The following NREP variants were observed in gnomAD, a reference collection of about 807,000 sequenced individuals.
The protein encoded by NREP is neuronal regeneration related protein.
Under a neutral mutation model 8.6 loss-of-function variants are expected in NREP, and 5 were observed. That is an observed-to-expected ratio of 0.58 (90% CI 0.30 to 1.22). NREP has a LOEUF of 1.22. Ranked by LOEUF, NREP falls within the 50% of genes most tolerant of loss-of-function variation. NREP has a pLI of 0.07. For missense variants in NREP, 86 were observed against 82.5 expected (o/e 1.04, Z -0.17); for synonymous variants, 27 against 28.0 (o/e 0.96, Z 0.11).
At chr5:111,802,141 TAGG>T (rs1280557707) in intron 2 of NREP, among the ~76,000 whole-genome samples, 1 of 152,168 alleles carries the variant, frequency 6.6e-6, no homozygotes, top group Non-Finnish European at 1.5e-5. Flanking sequence ...CACAGACGGT[TAGG>T]AGAAGACTGT....
At chr5:111,777,606 G>T (rs1751395686) in intron 2 of NREP, among the ~76,000 whole-genome samples, 1 of 152,044 alleles carries the variant, frequency 6.6e-6, no homozygotes, top group Non-Finnish European at 1.5e-5. Context: ...ACCATTATGT[G>T]TATATTTGTG....
chr5:111,889,388 C>A (rs532813391), intron 2 of NREP, among the ~76,000 whole-genome samples: 1 of 152,152 alleles, frequency 6.6e-6, no homozygotes, highest in Admixed American at 6.5e-5. Flanking sequence ...AGGTATATAC[C>A]CCCATGATCC....
In NREP at chr5:111,904,258, CTGTT is replaced by C. The variant is rs529599865; in HGVS notation, c.135+71012_135+71015del. ...TTTAGGGTTCACTTTTGGTTTAACACTGTTTGATGTGTTTTGACAAATGTATAAT... is the reference window on the plus strand; with the variant it reads ...TTTAGGGTTCACTTTTGGTTTAACACTGATGTGTTTTGACAAATGTATAAT... On this transcript the variant is annotated intron_variant, in intron 2 of 3. Transcript: ENST00000395634. Among the ~76,000 whole-genome samples, 8 of 152,190 alleles carry C rather than the reference CTGTT, an allele frequency of 5.3e-5. No individual in the cohort carries two copies. The East Asian group carries it at 1.4e-3, about 26-fold the overall frequency.
chr5:111,797,356 C>G (rs1751897680), intron 2 of NREP, among the ~76,000 whole-genome samples: 1 of 152,230 alleles, frequency 6.6e-6, no homozygotes, highest in Admixed American at 6.5e-5. Flanking sequence ...TGGAGGAATA[C>G]TAGTCCAATT....
chr5:111,956,237 A>G (rs1728306456), intron 2 of NREP, among the ~76,000 whole-genome samples: 1 of 152,194 alleles, frequency 6.6e-6, no homozygotes, highest in Non-Finnish European at 1.5e-5. Context: ...CAAGAATTGC[A>G]GAACATATGA....
intron 2 of NREP, among the ~76,000 whole-genome samples, chr5:111,917,653 C>T (rs1274005642): frequency 6.6e-6 from 1 of 152,130 alleles, no homozygotes; most frequent in Non-Finnish European, 1.5e-5. Context: ...CGATAAAATC[C>T]AGCACTCCTT....
At chr5:111,916,759 T>G (rs1581216128) in intron 2 of NREP, among the ~76,000 whole-genome samples, 1 of 152,172 alleles carries the variant, frequency 6.6e-6, no homozygotes, top group Admixed American at 6.5e-5. Context: ...AGTTACTACT[T>G]GTAAAGTGCT....
chr5:111,965,537 T>C (rs151328255), intron 2 of NREP, among the ~76,000 whole-genome samples: 328 of 152,254 alleles, frequency 2.2e-3, no homozygotes, highest in African/African-American at 7.4e-3. Flanking sequence ...AAGCTCACCA[T>C]TGCCCAGCTC....
chr5:111,927,974 C>T (rs1381570385), intron 2 of NREP, among the ~76,000 whole-genome samples: 4 of 152,062 alleles, frequency 2.6e-5, no homozygotes, highest in Non-Finnish European at 4.4e-5. Flanking sequence ...GCTTCATAGG[C>T]CCCGGACTGG....
intron 2 of NREP, among the ~76,000 whole-genome samples, chr5:111,790,883 T>C (rs1006586302): frequency 2.0e-5 from 3 of 152,128 alleles, no homozygotes; most frequent in Admixed American, 6.6e-5. Context: ...AAATACAGTA[T>C]ACAATATTCA....
intron 2 of NREP, among the ~76,000 whole-genome samples, chr5:111,910,687 A>G (rs1754888466): frequency 6.6e-6 from 1 of 152,048 alleles, no homozygotes; most frequent in African/African-American, 2.4e-5. Flanking sequence ...GGCTTCTGAG[A>G]CTGGAACAAA....
chr5:111,914,783 C>T (rs1462721213), intron 2 of NREP, among the ~76,000 whole-genome samples: 1 of 152,060 alleles, frequency 6.6e-6, no homozygotes. Flanking sequence ...GGCCTCTCTC[C>T]ACTTAAAGAA....
At chr5:111,767,397 C>T (rs1224373411) in intron 2 of NREP, among the ~76,000 whole-genome samples, 1 of 152,138 alleles carries the variant, frequency 6.6e-6, no homozygotes, top group African/African-American at 2.4e-5. Context: ...GCAGAAATCT[C>T]TCTAACACAG....
intron 3 of NREP, chr5:111,732,071 G>A (rs1163584589): frequency 3.3e-5 from 5 of 150,406 alleles, no homozygotes; most frequent in Admixed American, 2.0e-4. Context: ...ATCCTTTGTG[G>A]TTTTAAAACA....
At chr5:111,932,360 T>C (rs938519388) in intron 2 of NREP, among the ~76,000 whole-genome samples, 23 of 152,004 alleles carry the variant, frequency 1.5e-4, no homozygotes, top group Non-Finnish European at 2.9e-5. Context: ...ATGATCAAAA[T>C]AATCCAAAAC....
chr5:111,760,935 C>G (rs1430943742), upstream of NREP, among the ~76,000 whole-genome samples: 2 of 152,160 alleles, frequency 1.3e-5, 1 homozygote, highest in South Asian at 4.1e-4. Context: ...CTAAATGTAT[C>G]TCAAATCTAT....
At position 111,730,896 on chromosome 5, in the gene NREP, T is replaced by A. The variant is rs1247412617; in HGVS notation, c.*25A>T. 3 of 1,613,462 alleles carry A rather than the reference T, an allele frequency of 1.9e-6. No individual in the cohort carries two copies. In the Admixed American group the frequency reaches 5.0e-5, roughly 27 times the overall value. On this transcript the variant is annotated 3_prime_UTR_variant, in exon 4 of 4. Transcript: ENST00000257435. ...ACCTCATCAATACCCATACACCATA[T>A]GTAATACAAATGGAGGTGTTACGAT... is the stretch of plus-strand genomic sequence containing the variant.
chr5:111,965,197 T>C (rs988207799), intron 2 of NREP, among the ~76,000 whole-genome samples: 3 of 152,130 alleles, frequency 2.0e-5, no homozygotes, highest in African/African-American at 7.2e-5. Context: ...TTTTTTGGTA[T>C]AAGAAAACCT....
At chr5:111,760,389 A>G (rs1422890822), upstream of NREP, among the ~76,000 whole-genome samples, 1 of 152,242 alleles carries the variant, frequency 6.6e-6, no homozygotes, top group Non-Finnish European at 1.5e-5. Context: ...GAAGAGGGAC[A>G]GAGACCTGAC....
Sources: gnomAD v4.1 joint callset for allele counts (sites outside exome capture counted in the v4.1 genomes callset) on GRCh38, gnomAD v4.1.1 for gene constraint, MANE v1.5 for transcripts, NCBI Gene and HGNC (gene_info 2026-07-23, HGNC 2026-07-21) for gene names.